Variants in DNAH5 observed in about 807,000 individuals in gnomAD.
DNAH5 encodes the protein axonemal beta dynein heavy chain 5.
A neutral mutation model predicts 518.2 loss-of-function variants in DNAH5; 372 were observed. The ratio of observed to expected loss-of-function variants is 0.72; its 90% CI spans 0.66 to 0.78. The LOEUF is 0.78. Among genes scored for constraint, DNAH5 ranks in the 30% least tolerant of loss-of-function variants. DNAH5 has a pLI of 0.00. For missense variants in DNAH5, 5,523 were observed against 5,687.0 expected (o/e 0.97, Z 0.93); for synonymous variants, 2,039 against 2,025.9 (o/e 1.01, Z -0.17).
chr5:14,009,655 G>A (rs1298719765), intron 1 of DNAH5, among the ~76,000 whole-genome samples: 2 of 152,206 alleles, frequency 1.3e-5, no homozygotes, highest in South Asian at 2.1e-4. Flanking sequence ...AACAGAGGAG[G>A]ACTGGGCCAT....
chr5:13,976,607 T>C (rs149780080), intron 1 of DNAH5, among the ~76,000 whole-genome samples: 63 of 152,182 alleles, frequency 4.1e-4, no homozygotes, highest in African/African-American at 1.5e-3. Context: ...ACTAAGTTAT[T>C]GTTAATCTCT....
At chr5:13,753,666 A>C in intron 62 of DNAH5, 117 bp from the exon 63 acceptor site, 4 of 941,408 alleles carry the variant, frequency 4.2e-6, no homozygotes, top group Non-Finnish European at 6.2e-6. Flanking sequence ...AATTCCACAA[A>C]TCAAACTGGA....
At chr5:13,784,902 G>A (rs977343614) in intron 52 of DNAH5, among the ~76,000 whole-genome samples, 5 of 151,966 alleles carry the variant, frequency 3.3e-5, no homozygotes, top group East Asian at 3.9e-4. Context: ...AAATGGATAC[G>A]GTAATGACTC....
chr5:13,829,968 T>C, intron 37 of DNAH5, 58 bp downstream of exon 37: 5 of 1,470,898 alleles, frequency 3.4e-6, no homozygotes, highest in Non-Finnish European at 4.8e-6. Context: ...ACCAGGGAGA[T>C]GCATGAAAAT....
chr5:13,718,350 T>C (rs1036649765), intron 72 of DNAH5, among the ~76,000 whole-genome samples: 46 of 152,314 alleles, frequency 3.0e-4, no homozygotes, highest in African/African-American at 1.1e-3. Context: ...AGTTCCATGT[T>C]CTTTTCATGA....
intron 1 of DNAH5, among the ~76,000 whole-genome samples, chr5:14,003,742 C>G (rs986964721): frequency 1.1e-4 from 16 of 152,198 alleles, no homozygotes; most frequent in Non-Finnish European, 2.9e-5. Context: ...AGTGATGCGG[C>G]CAAGCCTTGC....
At position 13,810,134 on chromosome 5, in the gene DNAH5, G is replaced by A. The variant is rs1760398139; in HGVS notation, c.7534C>T (p.Pro2512Ser). ...GGCGGCAGCTCCAGCGTCCCTGTGG[G>A]CCGAGAGCGCAGCCAGAGCTCCAGG... ...RRLELWLRSRPTGTLELPPPA... is the reference protein window; with the variant it reads ...RRLELWLRSRSTGTLELPPPA... Residue 2512 changes from proline to serine, a missense_variant, in exon 45 of 79, where the codon CCC becomes TCC. Pro to Ser is a moderately conservative substitution (Grantham distance 74, BLOSUM62 -1). Transcript: ENST00000265104. 1 of 1,549,466 alleles carries A rather than the reference G, an allele frequency of 6.5e-7. No homozygotes were observed.
intron 1 of DNAH5, among the ~76,000 whole-genome samples, chr5:14,001,678 C>T (rs4358520): frequency 0.74 from 109,143 of 148,242 alleles, 40,241 homozygotes; most frequent in East Asian, 0.97. Flanking sequence ...TTTTTCTTTT[C>T]TTTTTTTTTT....
intron 60 of DNAH5, among the ~76,000 whole-genome samples, chr5:13,761,796 A>G (rs1289212304): frequency 6.6e-6 from 1 of 152,192 alleles, no homozygotes; most frequent in Non-Finnish European, 1.5e-5. Context: ...TCTCGGACTC[A>G]AATGACTCTT....
intron 1 of DNAH5, among the ~76,000 whole-genome samples, chr5:13,970,881 T>C (rs1406357576): frequency 6.6e-6 from 1 of 152,226 alleles, no homozygotes; most frequent in East Asian, 1.9e-4. Flanking sequence ...CAAATATGTT[T>C]TCCAAACTTT....
chr5:13,830,490 A>G, intron 36 of DNAH5, 107 bp downstream of exon 36: 2 of 1,395,706 alleles, frequency 1.4e-6, no homozygotes, highest in Non-Finnish European at 2.0e-6. Flanking sequence ...AAAATTTTAC[A>G]AAGTTGAAAA....
At chr5:13,792,706 T>A (rs1416736348) in intron 49 of DNAH5, among the ~76,000 whole-genome samples, 1 of 152,206 alleles carries the variant, frequency 6.6e-6, no homozygotes, top group Non-Finnish European at 1.5e-5. Context: ...CAAGCTTAGA[T>A]AATTCCAATG....
At chr5:14,004,108 CCT>C (rs1287896904) in intron 1 of DNAH5, among the ~76,000 whole-genome samples, 1 of 152,232 alleles carries the variant, frequency 6.6e-6, no homozygotes, top group Admixed American at 6.5e-5. Context: ...TCTGGAACTT[CCT>C]CTTTCACTTG....
chr5:13,788,917 G>A lies in DNAH5; in HGVS notation c.8449-3C>T, dbSNP rs772481411. On this transcript the variant is annotated splice_region_variant and splice_polypyrimidine_tract_variant and intron_variant, in intron 50 of 78. Transcript: ENST00000265104. ...TGCTTCCACAGCTTTAACAGATCCT[G>A]TTGAAAGTATAATTAAAATGTGTTA... The A allele has an allele frequency of 8.1e-6, 13 of 1,613,592 alleles. No individual in the cohort carries two copies. The East Asian group carries it at 2.5e-4, about 30-fold the overall frequency.
intron 76 of DNAH5, among the ~76,000 whole-genome samples, chr5:13,705,879 AAGG>A (rs1742716456): frequency 6.6e-6 from 1 of 152,202 alleles, no homozygotes; most frequent in African/African-American, 2.4e-5. Flanking sequence ...GCCACAAGCC[AAGG>A]AGCTCCTGGG....
chr5:13,699,112 C>T (rs1741740859), intron 78 of DNAH5, among the ~76,000 whole-genome samples: 1 of 152,102 alleles, frequency 6.6e-6, no homozygotes, highest in Non-Finnish European at 1.5e-5. Flanking sequence ...TACTGAATGA[C>T]CAAGCAAGCT....
At position 13,776,491 on chromosome 5, in the gene DNAH5, T is replaced by C. The variant is rs770347405; in HGVS notation, c.9321A>G (p.Ser3107=). The C allele has an allele frequency of 3.7e-6, 6 of 1,613,856 alleles. No individual in the cohort carries two copies. Among genetic ancestry groups the C allele is most frequent in the Non-Finnish European group, 5.1e-6 (6 of 1,179,806 alleles). The change falls in exon 55 of 79, where the codon TCA becomes TCG. Residue 3107 remains serine (S), a synonymous_variant. Transcript: ENST00000265104. ...GGCTGAACCAGTCAATTGTGCATCCTGAAATTAGGGCAGGGAACTTCAAAG... is the reference window on the plus strand; with the variant it reads ...GGCTGAACCAGTCAATTGTGCATCCCGAAATTAGGGCAGGGAACTTCAAAG... ...NRALKFPALI[S]GCTIDWFSRW...
Position 13,805,638 on chromosome 5 carries a change from A to G in DNAH5, c.7887+1953T>C, listed in dbSNP as rs577778112. On this transcript the variant is annotated intron_variant, in intron 47 of 78. Coordinates refer to ENST00000265104, the MANE Select transcript of DNAH5 (RefSeq NM_001369.3). Reference sequence around the variant, plus strand: ...TGGTGATATACATGATATGCCTGGAAGGTAGCACATCCTGAGGACAGGGAA... The same window carrying G: ...TGGTGATATACATGATATGCCTGGAGGGTAGCACATCCTGAGGACAGGGAA... 3.9e-5 allele frequency among the ~76,000 whole-genome samples: 6 copies of G among 152,330 alleles called. No individual in the cohort carries two copies. In the East Asian group the frequency reaches 1.2e-3, roughly 29 times the overall value.
chr5:13,702,160 G>T (rs186785609), intron 76 of DNAH5, among the ~76,000 whole-genome samples: 114 of 151,222 alleles, frequency 7.5e-4, no homozygotes, highest in East Asian at 3.7e-3. Context: ...AATGTCATCA[G>T]CAGCAGCAGT....
Sources: gnomAD v4.1 joint callset for allele counts (sites outside exome capture counted in the v4.1 genomes callset) on GRCh38, gnomAD v4.1.1 for gene constraint, MANE v1.5 for transcripts, NCBI Gene and HGNC (gene_info 2026-07-23, HGNC 2026-07-21) for gene names.